Variants in ADGRB2 observed in about 807,000 individuals in gnomAD.
The protein encoded by ADGRB2 is adhesion G protein-coupled receptor B2.
ADGRB2 carries 47 observed loss-of-function variants against 178.7 expected under a neutral mutation model. That is an observed-to-expected ratio of 0.26 (90% CI 0.21 to 0.34). The LOEUF (loss-of-function observed/expected upper bound fraction) is 0.34. ADGRB2 is among the 10% of genes least tolerant of loss of function. The pLI is 1.00. For missense variants in ADGRB2, 1,584 were observed against 2,180.8 expected (o/e 0.73, Z 5.45); for synonymous variants, 870 against 912.4 (o/e 0.95, Z 0.84).
rs750818182 is a variant in ADGRB2, at chr1:31,731,079, A to T, written c.4101T>A (p.Gly1367=). 7.6e-6 allele frequency: 12 copies of T among 1,572,718 alleles called. No individual in the cohort carries two copies. In the African/African-American group the frequency reaches 1.2e-4, roughly 16 times the overall value. The change falls in exon 29 of 33, where the codon GGT becomes GGA. Residue 1367 remains glycine (G), a synonymous_variant. Coordinates refer to ENST00000373658, the MANE Select transcript of ADGRB2 (RefSeq NM_001364857.2). The part of the protein sequence containing the change: ...RTLSLQPGGG[G]GGGEDAPRAR... ...CCCTGGGGGCATCCTCACCACCTCC[A>T]CCCCCACCGCCAGGCTGCAGGCTCA... is the stretch of plus-strand genomic sequence containing the variant.
intron 1 of ADGRB2, among the ~76,000 whole-genome samples, chr1:31,762,097 A>G (rs1023947902): frequency 1.3e-5 from 2 of 152,160 alleles, no homozygotes; most frequent in Admixed American, 6.5e-5. Context: ...GGCAGATACC[A>G]GATGGAACCT....
At position 31,727,339 on chromosome 1, in the gene ADGRB2, G is replaced by A; in HGVS notation, c.*81C>T. ...CCCTCGGGAGAGGGGAGAGGGCGCT[G>A]GCTCCTGGGTAGTTCCAAAGTGGAG... On this transcript the variant is annotated 3_prime_UTR_variant, in exon 33 of 33. Coordinates refer to ENST00000373658, the MANE Select transcript of ADGRB2 (RefSeq NM_001364857.2). The surrounding 1 kb of genome is among the most constrained non-coding windows in gnomAD (Gnocchi z 4.4). 3 of 1,451,576 alleles carry A rather than the reference G, an allele frequency of 2.1e-6. No individual in the cohort carries two copies. In the South Asian group the frequency reaches 4.3e-5, roughly 21 times the overall value. 89.9% of individuals were successfully genotyped at this position (1,451,576 alleles called of 1,614,324 possible).
rs942736485 is a variant in ADGRB2, at chr1:31,735,116, T to C, written c.3452+67A>G. On this transcript the variant is annotated intron_variant, in intron 25 of 32. Transcript: ENST00000373658. The surrounding 1 kb of genome is among the most constrained non-coding windows in gnomAD (Gnocchi z 6.0). The stretch of plus-strand genomic sequence containing the variant: ...GATATCCCTCCTCCTCCCCCCACCA[T>C]GGGCACTGCCCCCCCCAATTCCTTT... 12 of 510,966 alleles carry C rather than the reference T, an allele frequency of 2.3e-5. No individual in the cohort carries two copies. Among genetic ancestry groups the C allele is most frequent in the Non-Finnish European group, 3.5e-5 (11 of 311,780 alleles). The allele number at this position is 510,966 out of a possible 1,614,324, so 31.7% of individuals were successfully genotyped here. A position where few individuals can be genotyped will look rare whatever the true frequency, so the allele number is the denominator to read the frequency against.
chr1:31,764,256 G>T lies in ADGRB2; in HGVS notation c.-563C>A, dbSNP rs1647138291. Reference sequence around the variant, plus strand: ...TGAGAGCCGGTGCCGCATCCTCTTCGGTCTCTGAGCGCCGCCGCCGCTGCC... The same window carrying T: ...TGAGAGCCGGTGCCGCATCCTCTTCTGTCTCTGAGCGCCGCCGCCGCTGCC... On this transcript the variant is annotated 5_prime_UTR_variant, in exon 1 of 33. Transcript: ENST00000373658. This position sits in a 1 kb window ranked among gnomAD's most constrained non-coding sequence, Gnocchi z 7.3. The T allele has an allele frequency of 5.9e-6, 1 of 168,296 alleles. No homozygotes were observed. Among genetic ancestry groups the T allele is most frequent in the South Asian group, 1.7e-4 (1 of 5,728 alleles). 10.4% of individuals were successfully genotyped at this position (168,296 alleles called of 1,614,324 possible).
chr1:31,744,377 TCGG>T lies in ADGRB2; in HGVS notation c.923-23_923-21del. 2 of 1,547,748 alleles carry T rather than the reference TCGG, an allele frequency of 1.3e-6. No homozygotes were observed. The highest frequency in any genetic ancestry group is 2.4e-5 in the South Asian group (2 of 83,934). On this transcript the variant is annotated intron_variant, in intron 5 of 32. Transcript: ENST00000373658. This position sits in a 1 kb window ranked among gnomAD's most constrained non-coding sequence, Gnocchi z 6.7. Reference sequence around the variant, plus strand: ...GGTCGCCTACGAGAGAGGGACAGCGTCGGCGGCAGGGGGCACCTCCCAAGCACT... The same window carrying T: ...GGTCGCCTACGAGAGAGGGACAGCGTCGGCAGGGGGCACCTCCCAAGCACT...
rs1325569785 is a variant in ADGRB2 at position 31,742,912 on chromosome 1, G to C, written c.1178C>G (p.Pro393Arg). ...GSRSRMRTCV[P>R]PQHGGKACEG... Reference sequence around the variant, plus strand: ...GCAGGCCTTGCCGCCGTGCTGGGGGGGCACGCAGGTCCGCATCCGGCTCCG... The same window carrying C: ...GCAGGCCTTGCCGCCGTGCTGGGGGCGCACGCAGGTCCGCATCCGGCTCCG... Residue 393 changes from proline to arginine, a missense_variant, in exon 7 of 33, where the codon CCC (proline) becomes CGC (arginine). Transcript: ENST00000373658. The C allele has an allele frequency of 1.9e-6, 3 of 1,542,442 alleles. No homozygotes were observed. The highest frequency in any genetic ancestry group is 2.6e-6 in the Non-Finnish European group (3 of 1,143,768).
At chr1:31,739,717 G>C in intron 14 of ADGRB2, 82 bp from the exon 15 acceptor site, 1 of 1,449,336 alleles carries the variant, frequency 6.9e-7, no homozygotes. Flanking sequence ...ACAGATGTAG[G>C]GGAAACACGT....
rs1334110662 is a variant in ADGRB2, at chr1:31,742,913, G to A, written c.1177C>T (p.Pro393Ser). ...GSRSRMRTCV[P>S]PQHGGKACEG... ...CAGGCCTTGCCGCCGTGCTGGGGGG[G>A]CACGCAGGTCCGCATCCGGCTCCGG... The change falls in exon 7 of 33, where the codon CCC becomes TCC. Residue 393 changes from proline to serine, a missense_variant. Coordinates refer to ENST00000373658, the MANE Select transcript of ADGRB2 (RefSeq NM_001364857.2). The A allele has an allele frequency of 3.9e-6, 6 of 1,542,234 alleles. No homozygotes were observed. The highest frequency in any genetic ancestry group is 1.2e-5 in the South Asian group (1 of 83,218).
At position 31,737,739 on chromosome 1, in the gene ADGRB2, C is replaced by G. The variant is rs1013356568; in HGVS notation, c.2789G>C (p.Gly930Ala). ...PPKDLTLELA[G>A]SPSVPLVIGC... ...GATCACCAGGGGGACCGAGGGGGAG[C>G]CCGCCAGCTCCAGGGTCTGGGGAAG... The change falls in exon 19 of 33, where the codon GGC becomes GCC. Residue 930 changes from glycine (G) to alanine (A), a missense_variant. Around this residue, in one of 3 missense-constraint regions of ADGRB2, gnomAD observed 865 missense variants for 1,192.8 expected, o/e 0.73. Transcript: ENST00000373658. The G allele has an allele frequency of 2.6e-5, 42 of 1,613,422 alleles. No homozygotes were observed. Among genetic ancestry groups the G allele is most frequent in the Non-Finnish European group, 3.5e-5 (41 of 1,180,004 alleles).
In ADGRB2 at chr1:31,744,565, A is replaced by ACAGGCACACAC; in HGVS notation, c.922+72_922+82dup. On this transcript the variant is annotated intron_variant, in intron 5 of 32. Transcript: ENST00000373658. The surrounding 1 kb of genome is among the most constrained non-coding windows in gnomAD (Gnocchi z 6.7). ...CGACTGAACTGCAGGACAGAGACAG[A>ACAGGCACACAC]CAGGCACACACCAAGCACACACACC... is the stretch of plus-strand genomic sequence containing the variant. 2.0e-6 allele frequency: 3 copies of ACAGGCACACAC among 1,525,484 alleles called. No individual in the cohort carries two copies. The allele number at this position is 1,525,484 out of a possible 1,614,324, so 94.5% of individuals were successfully genotyped here.
At position 31,735,913 on chromosome 1, in the gene ADGRB2, G is replaced by A. The variant is rs757512068; in HGVS notation, c.3201-20C>T. 1.3e-6 allele frequency: 2 copies of A among 1,571,828 alleles called. No homozygotes were observed. Among genetic ancestry groups the A allele is most frequent in the East Asian group, 4.7e-5 (2 of 42,664 alleles). Reference sequence around the variant, plus strand: ...CAGCAGCTGGGGTGGGGGAGAAGAAGGGTGTCAGACACCCAGCAGCCTCCC... The same window carrying A: ...CAGCAGCTGGGGTGGGGGAGAAGAAAGGTGTCAGACACCCAGCAGCCTCCC... On this transcript the variant is annotated intron_variant, in intron 22 of 32. Coordinates refer to ENST00000373658, the MANE Select transcript of ADGRB2 (RefSeq NM_001364857.2). The surrounding 1 kb of genome is among the most constrained non-coding windows in gnomAD (Gnocchi z 6.0).
In ADGRB2 at chr1:31,741,895, C is replaced by T. The variant is rs765271214; in HGVS notation, c.1490G>A (p.Arg497His). The change falls in exon 9 of 33, where the codon CGC becomes CAC. Residue 497 changes from arginine to histidine, a missense_variant. Physicochemically the swap from Arg to His is conservative, Grantham distance 29. Coordinates refer to ENST00000373658, the MANE Select transcript of ADGRB2 (RefSeq NM_001364857.2). This position sits in a 1 kb window ranked among gnomAD's most constrained non-coding sequence, Gnocchi z 6.5. ...CGTGGCCTGGCACATGCGGAAGCGG[C>T]GCTGCCAGCCTGTGTCACACGTCTT... is the stretch of plus-strand genomic sequence containing the variant. ...CSKTCDTGWQ[R>H]RFRMCQATGT... The T allele has an allele frequency of 5.2e-5, 83 of 1,611,300 alleles. No homozygotes were observed. Among genetic ancestry groups the T allele is most frequent in the Non-Finnish European group, 6.7e-5 (79 of 1,178,176 alleles).
Position 31,735,178 on chromosome 1 carries a change from C to G in ADGRB2, c.3452+5G>C. 7.1e-7 allele frequency: 1 copy of G among 1,410,554 alleles called. No individual in the cohort carries two copies. The highest frequency in any genetic ancestry group is 2.6e-5 in the East Asian group (1 of 38,310). 87.4% of individuals were successfully genotyped at this position (1,410,554 alleles called of 1,614,324 possible). ...CCCCACCGCCCCCCAGGGGGCACGACTAACATGGCGTTCCTGGCCGAGGCT... is the reference window on the plus strand; with the variant it reads ...CCCCACCGCCCCCCAGGGGGCACGAGTAACATGGCGTTCCTGGCCGAGGCT... On this transcript the variant is annotated splice_donor_5th_base_variant and intron_variant, in intron 25 of 32. Transcript: ENST00000373658. The surrounding 1 kb of genome is among the most constrained non-coding windows in gnomAD (Gnocchi z 6.0).
In ADGRB2 at chr1:31,756,795, G is replaced by A; in HGVS notation, c.42C>T (p.Thr14=). The A allele has an allele frequency of 2.0e-6, 3 of 1,487,680 alleles. No individual in the cohort carries two copies. The highest frequency in any genetic ancestry group is 2.7e-6 in the Non-Finnish European group (3 of 1,115,344). 92.2% of individuals were successfully genotyped at this position (1,487,680 alleles called of 1,614,324 possible). Residue 14 remains threonine (T), a synonymous_variant, in exon 4 of 33, where the codon ACC becomes ACT. Transcript: ENST00000373658. The surrounding 1 kb of genome is among the most constrained non-coding windows in gnomAD (Gnocchi z 8.5). Reference sequence around the variant, plus strand: ...CAGACAGTAAGAGGGGACAGGCTGGGGTCATCCTATGTCCCTTGCCCTGTG... The same window carrying A: ...CAGACAGTAAGAGGGGACAGGCTGGAGTCATCCTATGTCCCTTGCCCTGTG... The part of the protein sequence containing the change: ...TGWMGKGHRM[T]PACPLLLSVI...
At chr1:31,752,527 A>G (rs1230445079) in intron 4 of ADGRB2, among the ~76,000 whole-genome samples, 2 of 152,222 alleles carry the variant, frequency 1.3e-5, no homozygotes, top group East Asian at 3.8e-4. Flanking sequence ...CGCCAATCTT[A>G]GGACAGGGCT....
chr1:31,757,437 T>C lies in ADGRB2; in HGVS notation c.-116A>G, dbSNP rs184966383. On this transcript the variant is annotated 5_prime_UTR_variant, in exon 2 of 33. Transcript: ENST00000373658. Reference sequence around the variant, plus strand: ...GAGTTACAGCCAGTGTGCCAGGAACTGCGCACAACCTGAGCCATGCCCACA... The same window carrying C: ...GAGTTACAGCCAGTGTGCCAGGAACCGCGCACAACCTGAGCCATGCCCACA... 1 of 636,950 alleles carries C rather than the reference T, an allele frequency of 1.6e-6. No individual in the cohort carries two copies. The highest frequency in any genetic ancestry group is 2.8e-6 in the Non-Finnish European group (1 of 359,628). 39.5% of individuals were successfully genotyped at this position (636,950 alleles called of 1,614,324 possible).
At position 31,757,215 on chromosome 1, in the gene ADGRB2, T is replaced by C; in HGVS notation, c.7A>G (p.Asn3Asp). The C allele has an allele frequency of 6.2e-7, 1 of 1,614,158 alleles. No individual in the cohort carries two copies. The highest frequency in any genetic ancestry group is 8.5e-7 in the Non-Finnish European group (1 of 1,179,996). The change falls in exon 3 of 33, where the codon AAT (asparagine) becomes GAT (aspartate). Residue 3 changes from asparagine to aspartate, a missense_variant. This residue lies in a region of ADGRB2 where 657 missense variants were observed against 847.6 expected (regional missense o/e 0.78). Coordinates refer to ENST00000373658, the MANE Select transcript of ADGRB2 (RefSeq NM_001364857.2). ME[N>D]TGWMGKGHRM... ...CCCAGCCTCACCATCCAACCTGTAT[T>C]CTCCATAACTCTTGCTCTCCATCCC... is the stretch of plus-strand genomic sequence containing the variant.
At position 31,756,312 on chromosome 1, in the gene ADGRB2, G is replaced by T; in HGVS notation, c.525C>A (p.Pro175=). 1 of 1,612,928 alleles carries T rather than the reference G, an allele frequency of 6.2e-7. No homozygotes were observed. Among genetic ancestry groups the T allele is most frequent in the Non-Finnish European group, 8.5e-7 (1 of 1,179,934 alleles). The change falls in exon 4 of 33, where the codon CCC becomes CCA. Residue 175 remains proline, a synonymous_variant. Transcript: ENST00000373658. This position sits in a 1 kb window ranked among gnomAD's most constrained non-coding sequence, Gnocchi z 8.5. ...CGACAAAGCGGAAGGCTAGGGCAGC[G>T]GGCGCCAGCAGGCGCGGGGCCTCGG... is the stretch of plus-strand genomic sequence containing the variant. ...EPSEAPRLLA[P]AALAFRFVEV...
intron 29 of ADGRB2, among the ~76,000 whole-genome samples, chr1:31,730,145 G>T (rs1645202857): frequency 6.6e-6 from 1 of 152,196 alleles, no homozygotes; most frequent in African/African-American, 2.4e-5. Flanking sequence ...TCCTCTGCAG[G>T]GAGCAGACCT....
Sources: gnomAD v4.1 joint callset for allele counts (sites outside exome capture counted in the v4.1 genomes callset) on GRCh38, gnomAD v4.1.1 for gene constraint, gnomAD v4.1.1 regional missense constraint, Gnocchi (gnomAD v3.1) non-coding constraint, MANE v1.5 for transcripts, NCBI Gene and HGNC (gene_info 2026-07-23, HGNC 2026-07-21) for gene names.